The following PHKB variants were observed in gnomAD, a reference collection of about 807,000 sequenced individuals.
The protein encoded by PHKB is phosphorylase b kinase regulatory subunit beta.
In PHKB, 122 loss-of-function variants were observed where a neutral mutation model predicts 152.1. The observed-to-expected ratio is 0.80, with a 90% CI of 0.69 to 0.93. PHKB has a LOEUF of 0.93. Ranked by LOEUF, PHKB falls within the 40% of genes least tolerant of loss-of-function variation. The probability of loss-of-function intolerance (pLI) is 0.00; values close to 1 mark genes in which losing one functional copy is unlikely to be tolerated. For synonymous variants in PHKB, 436 were observed against 464.9 expected (o/e 0.94, Z 0.80); for missense variants, 1,304 against 1,328.4 (o/e 0.98, Z 0.29).
chr16:47,643,050 T>C (rs1406083547), intron 16 of PHKB, among the ~76,000 whole-genome samples: 2 of 152,202 alleles, frequency 1.3e-5, no homozygotes, highest in Non-Finnish European at 2.9e-5. Flanking sequence ...TATTCTTTGA[T>C]AAACATACTC....
intron 13 of PHKB, among the ~76,000 whole-genome samples, chr16:47,599,861 T>C (rs923304183): frequency 8.5e-5 from 13 of 152,168 alleles, no homozygotes; most frequent in Admixed American, 1.3e-4. Context: ...TCTCAGAAAA[T>C]TGAATCATTT....
chr16:47,599,659 C>T (rs905755234), intron 13 of PHKB, among the ~76,000 whole-genome samples: 55 of 152,212 alleles, frequency 3.6e-4, no homozygotes, highest in Non-Finnish European at 5.3e-4. Flanking sequence ...GCAGAGCTGC[C>T]GTTAAAGAAA....
intron 6 of PHKB, among the ~76,000 whole-genome samples, chr16:47,541,000 AT>A (rs541936494): frequency 9.3e-5 from 14 of 149,918 alleles, no homozygotes; most frequent in Middle Eastern, 3.5e-3. Context: ...GCTAATTTTT[AT>A]TTTTTTTTAT....
Position 47,497,410 on chromosome 16 carries a change from G to T in PHKB, c.88G>T (p.Glu30Ter). The part of the protein sequence containing the change: ...ARTKRSGSVY[E>*]PLKSINLPRP... ...ATTTTTTCTTTTAGGCTCAGTTTAT[G>T]AACCTCTTAAAAGCATTAATCTTCC... Residue 30 changes from glutamate to a stop codon, truncating the protein, a stop_gained, in exon 2 of 31, where the codon GAA becomes TAA. Coordinates refer to ENST00000323584, the MANE Select transcript of PHKB (RefSeq NM_000293.3). LOFTEE classifies it high-confidence loss of function. The T allele has an allele frequency of 1.3e-6, 2 of 1,598,836 alleles. No individual in the cohort carries two copies. Among genetic ancestry groups the T allele is most frequent in the South Asian group, 2.2e-5 (2 of 90,796 alleles).
chr16:47,699,165 A>T, intron 30 of PHKB, 64 bp from the exon 31 acceptor site: 1 of 1,511,854 alleles, frequency 6.6e-7, no homozygotes, highest in Non-Finnish European at 9.2e-7. Context: ...GCTGACACAG[A>T]TTTTACCTGT....
intron 6 of PHKB, among the ~76,000 whole-genome samples, chr16:47,515,896 G>T (rs1055062445): frequency 1.3e-5 from 2 of 151,218 alleles, no homozygotes; most frequent in Admixed American, 6.6e-5. Context: ...AACAATGAAA[G>T]CAAAATAACA....
chr16:47,505,226 C>T (rs1209286008), intron 4 of PHKB, among the ~76,000 whole-genome samples: 2 of 152,130 alleles, frequency 1.3e-5, no homozygotes, highest in African/African-American at 2.4e-5. Context: ...CGTGTGGAGC[C>T]GGGTATGGAA....
At chr16:47,515,766 T>C (rs530367058) in intron 6 of PHKB, among the ~76,000 whole-genome samples, 165 bp downstream of exon 6, 1 of 152,290 alleles carries the variant, frequency 6.6e-6, no homozygotes, top group East Asian at 1.9e-4. Flanking sequence ...TCTTTATATC[T>C]TCAATGCATT....
chr16:47,522,317 A>G (rs1243988709), intron 6 of PHKB, among the ~76,000 whole-genome samples: 1 of 151,966 alleles, frequency 6.6e-6, no homozygotes, highest in Non-Finnish European at 1.5e-5. Context: ...AGATTATCTA[A>G]TTTGTTGGCA....
chr16:47,585,098 A>C (rs1971913570), intron 8 of PHKB, among the ~76,000 whole-genome samples: 1 of 152,210 alleles, frequency 6.6e-6, no homozygotes, highest in South Asian at 2.1e-4. Flanking sequence ...GTCCCAGTGC[A>C]TTTACTAGAC....
intron 6 of PHKB, among the ~76,000 whole-genome samples, chr16:47,519,430 A>ACCTCT (rs1970649560): frequency 6.6e-6 from 1 of 152,186 alleles, no homozygotes; most frequent in South Asian, 2.1e-4. Context: ...TGCACTTAAG[A>ACCTCT]TGTCAGCTGG....
chr16:47,579,960 TATC>T (rs1971814472), intron 7 of PHKB, among the ~76,000 whole-genome samples: 3 of 152,136 alleles, frequency 2.0e-5, no homozygotes, highest in Non-Finnish European at 4.4e-5. Context: ...TTACTGCACT[TATC>T]ATCATAATAT....
At chr16:47,474,208 A>G (rs1969829613) in intron 1 of PHKB, among the ~76,000 whole-genome samples, 2 of 152,164 alleles carry the variant, frequency 1.3e-5, no homozygotes, top group South Asian at 4.1e-4. Flanking sequence ...AATCTTTTAA[A>G]GTTTATTGTT....
chr16:47,559,993 T>C (rs924743691), intron 7 of PHKB, among the ~76,000 whole-genome samples: 3 of 152,224 alleles, frequency 2.0e-5, no homozygotes, highest in African/African-American at 7.2e-5. Flanking sequence ...TGAATTGTCA[T>C]GAAATTTGTT....
chr16:47,589,146 A>G, intron 10 of PHKB, 44 bp downstream of exon 10: 2 of 1,429,878 alleles, frequency 1.4e-6, no homozygotes, highest in Non-Finnish European at 2.0e-6. Context: ...AGAGCAATCA[A>G]AAGCACAGAT....
chr16:47,630,398 C>T (rs1972805316), intron 14 of PHKB, among the ~76,000 whole-genome samples: 1 of 151,882 alleles, frequency 6.6e-6, no homozygotes, highest in African/African-American at 2.4e-5. Context: ...ATGAGAATCA[C>T]TTGAACCTGG....
Position 47,566,727 on chromosome 16 carries a change from C to G in PHKB, c.711-13568C>G, listed in dbSNP as rs1423007226. The G allele has an allele frequency of 1.4e-5, 11 of 767,864 alleles. No individual in the cohort carries two copies. The Admixed American group carries it at 1.5e-4, about 11-fold the overall frequency. 47.6% of individuals were successfully genotyped at this position (767,864 alleles called of 1,614,324 possible). The stretch of plus-strand genomic sequence containing the variant: ...TGCCCTATACACATCTTCATCATTA[C>G]TGTTCCAAGTTGTTGAAATATCTCC... On this transcript the variant is annotated intron_variant, in intron 7 of 30. Transcript: ENST00000323584.
At chr16:47,469,948 T>A (rs781050753) in intron 1 of PHKB, among the ~76,000 whole-genome samples, 5 of 152,204 alleles carry the variant, frequency 3.3e-5, no homozygotes, top group Non-Finnish European at 7.3e-5. Flanking sequence ...GTACTAATGA[T>A]AATAATGATT....
intron 24 of PHKB, 38 bp downstream of exon 24, chr16:47,663,772 G>A (rs1304370617): frequency 8.5e-7 from 1 of 1,179,496 alleles, no homozygotes. Context: ...TTTTATTTTT[G>A]TGTTGTTATA....
Sources: allele counts gnomAD v4.1 joint callset (sites outside exome capture counted in the v4.1 genomes callset), GRCh38; gene constraint gnomAD v4.1.1; transcripts MANE v1.5; gene names NCBI Gene and HGNC (gene_info 2026-07-23, HGNC 2026-07-21).